HDAC9: variants seen among roughly 807,000 people sequenced by gnomAD.
HDAC9 encodes the protein MEF-2 interacting transcription repressor (MITR) protein.
A neutral mutation model predicts 139.4 loss-of-function variants in HDAC9; 41 were observed. That is an observed-to-expected ratio of 0.29 (90% CI 0.23 to 0.38). The LOEUF (loss-of-function observed/expected upper bound fraction) is 0.38, where lower values mean the gene tolerates loss of function less well. HDAC9 is among the 10% of genes least tolerant of loss of function. The pLI, the probability that HDAC9 is intolerant of heterozygous loss-of-function variation, is 1.00. For missense variants in HDAC9, 1,147 were observed against 1,297.0 expected (o/e 0.88, Z 1.78); for synonymous variants, 517 against 476.2 (o/e 1.09, Z -1.12).
At chr7:18,174,474 G>A (rs1001792683) in intron 2 of HDAC9, among the ~76,000 whole-genome samples, 12 of 152,198 alleles carry the variant, frequency 7.9e-5, no homozygotes, top group African/African-American at 1.7e-4. Flanking sequence ...GTCATTCTCC[G>A]TCCAGCTTTG....
At chr7:18,621,077 T>A (rs1840079985) in intron 6 of HDAC9, among the ~76,000 whole-genome samples, 3 of 152,134 alleles carry the variant, frequency 2.0e-5, no homozygotes, top group Admixed American at 2.0e-4. Flanking sequence ...ATATATAATA[T>A]ATAGTATATC....
intron 1 of HDAC9, among the ~76,000 whole-genome samples, chr7:18,339,504 G>C (rs1472446603): frequency 1.3e-5 from 2 of 151,352 alleles, no homozygotes; most frequent in Non-Finnish European, 3.0e-5. Flanking sequence ...AAAAAAGAAT[G>C]TACTATGTGA....
chr7:18,182,376 A>T (rs1789517639), intron 2 of HDAC9, among the ~76,000 whole-genome samples: 2 of 152,244 alleles, frequency 1.3e-5, no homozygotes. Context: ...GGGGAAATAA[A>T]AATGGAGAGG....
intron 12 of HDAC9, among the ~76,000 whole-genome samples, chr7:18,719,955 T>C (rs1045778069): frequency 6.6e-6 from 1 of 152,192 alleles, no homozygotes; most frequent in Admixed American, 6.5e-5. Context: ...TCATCGTAAG[T>C]GTAAGAGTTT....
At chr7:18,196,019 G>T (rs1010818685) in intron 2 of HDAC9, among the ~76,000 whole-genome samples, 2 of 151,920 alleles carry the variant, frequency 1.3e-5, no homozygotes, top group African/African-American at 4.8e-5. Flanking sequence ...TTCTTTTAAA[G>T]CTTTGTGTCT....
chr7:18,583,757 TA>T (rs1342991919), intron 2 of HDAC9, among the ~76,000 whole-genome samples: 1 of 152,122 alleles, frequency 6.6e-6, no homozygotes, highest in African/African-American at 2.4e-5. Context: ...TCCAGCAGCC[TA>T]AAAAATCTTT....
At chr7:18,704,570 A>G (rs1181506702) in intron 12 of HDAC9, among the ~76,000 whole-genome samples, 1 of 152,190 alleles carries the variant, frequency 6.6e-6, no homozygotes, top group Non-Finnish European at 1.5e-5. Context: ...ATTCTCATCT[A>G]CTTTGACCTT....
chr7:18,765,635 T>C (rs1450980234), intron 15 of HDAC9, among the ~76,000 whole-genome samples: 1 of 152,140 alleles, frequency 6.6e-6, no homozygotes, highest in African/African-American at 2.4e-5. Flanking sequence ...TGTTATCATA[T>C]TATCTTCATT....
intron 2 of HDAC9, among the ~76,000 whole-genome samples, chr7:18,252,182 G>A (rs916435420): frequency 2.0e-5 from 3 of 152,118 alleles, no homozygotes; most frequent in African/African-American, 7.2e-5. Context: ...TGAAATATTT[G>A]TTGCCATCTA....
intron 22 of HDAC9, among the ~76,000 whole-genome samples, chr7:18,923,916 A>C (rs1803981337): frequency 6.6e-6 from 1 of 152,108 alleles, no homozygotes; most frequent in African/African-American, 2.4e-5. Context: ...AATTGGAGGC[A>C]GTCTTTATTT....
At chr7:18,971,654 T>G (rs1235367769) in intron 24 of HDAC9, among the ~76,000 whole-genome samples, 1 of 152,250 alleles carries the variant, frequency 6.6e-6, no homozygotes, top group African/African-American at 2.4e-5. Flanking sequence ...ATAGAGATAG[T>G]CGTCTATAAA....
chr7:18,837,094 GGAAAAATGATA>G (rs1562976530), intron 21 of HDAC9, among the ~76,000 whole-genome samples: 1 of 151,550 alleles, frequency 6.6e-6, no homozygotes, highest in South Asian at 2.1e-4. Flanking sequence ...AGCAGGTCCA[GGAAAAATGATA>G]GAAAAATAGC....
chr7:18,818,156 T>C (rs1794705513), intron 17 of HDAC9, among the ~76,000 whole-genome samples: 1 of 152,246 alleles, frequency 6.6e-6, no homozygotes, highest in Non-Finnish European at 1.5e-5. Flanking sequence ...CATACTGTGC[T>C]TGCTTTTGAT....
chr7:18,740,429 G>A (rs988133944), intron 13 of HDAC9, among the ~76,000 whole-genome samples: 10 of 152,092 alleles, frequency 6.6e-5, no homozygotes, highest in Non-Finnish European at 1.3e-4. Context: ...TCTTTTTATA[G>A]TACTCTTGTA....
Position 19,001,483 on chromosome 7 carries a change from G to C in HDAC9, c.*5421G>C, listed in dbSNP as rs577538941. 2.0e-5 allele frequency: 3 copies of C among 151,318 alleles called. No individual in the cohort carries two copies. The highest frequency in any genetic ancestry group is 7.3e-5 in the African/African-American group (3 of 41,224). 9.4% of individuals were successfully genotyped at this position (151,318 alleles called of 1,614,324 possible). A position where few individuals can be genotyped will look rare whatever the true frequency, so the allele number is the denominator to read the frequency against. On this transcript the variant is annotated 3_prime_UTR_variant, in exon 26 of 26. Coordinates refer to ENST00000686413, the MANE Select transcript of HDAC9 (RefSeq NM_178425.4). ...AGTTGGCATTTTGTGACAATTCATA[G>C]AGATCTTGCAGCAATATTTGGCTAT...
intron 2 of HDAC9, among the ~76,000 whole-genome samples, chr7:18,504,133 G>GA (rs1289439924): frequency 1.3e-5 from 2 of 152,082 alleles, no homozygotes; most frequent in Non-Finnish European, 2.9e-5. Flanking sequence ...CTTTATTCTT[G>GA]ATGATGCTTT....
At chr7:18,414,416 A>G (rs1179810626) in intron 1 of HDAC9, among the ~76,000 whole-genome samples, 1 of 151,434 alleles carries the variant, frequency 6.6e-6, no homozygotes, top group Non-Finnish European at 1.5e-5. Context: ...ATTGGCTGGC[A>G]GGAAATTAAA....
At chr7:18,692,303 C>A (rs1013050716) in intron 12 of HDAC9, among the ~76,000 whole-genome samples, 1 of 151,980 alleles carries the variant, frequency 6.6e-6, no homozygotes, top group Non-Finnish European at 1.5e-5. Flanking sequence ...TGGAGACACC[C>A]GGAGTACTTT....
intron 24 of HDAC9, among the ~76,000 whole-genome samples, chr7:18,956,885 AG>A (rs1274331594): frequency 6.6e-6 from 1 of 152,140 alleles, no homozygotes; most frequent in African/African-American, 2.4e-5. Flanking sequence ...TACACATAGA[AG>A]GGCCCCATCC....
Sources: allele counts gnomAD v4.1 joint callset (sites outside exome capture counted in the v4.1 genomes callset), GRCh38; gene constraint gnomAD v4.1.1; transcripts MANE v1.5; gene names NCBI Gene and HGNC (gene_info 2026-07-23, HGNC 2026-07-21).